Variants in OTUD7A observed in about 807,000 individuals in gnomAD.
OTUD7A encodes the protein OTU deubiquitinase 7A, also known as OTU domain-containing protein 7A.
Under a neutral mutation model 65.7 loss-of-function variants are expected in OTUD7A, and 12 were observed. That is an observed-to-expected ratio of 0.18 (90% CI 0.12 to 0.30). OTUD7A has a LOEUF of 0.30. Among genes scored for constraint, OTUD7A ranks in the 10% least tolerant of loss-of-function variants. The probability of loss-of-function intolerance (pLI) is 1.00; values close to 1 mark genes in which losing one functional copy is unlikely to be tolerated. For synonymous variants in OTUD7A, 641 were observed against 586.3 expected (o/e 1.09, Z -1.35); for missense variants, 1,148 against 1,304.8 (o/e 0.88, Z 1.85).
At chr15:31,647,084 G>A (rs1013775180) in intron 3 of OTUD7A, among the ~76,000 whole-genome samples, 9 of 152,022 alleles carry the variant, frequency 5.9e-5, no homozygotes, top group East Asian at 1.9e-4. Context: ...CTGGTCTAAC[G>A]GCAGAGCTCT....
chr15:31,514,188 G>C (rs2041808257), intron 8 of OTUD7A, among the ~76,000 whole-genome samples: 1 of 151,608 alleles, frequency 6.6e-6, no homozygotes, highest in African/African-American at 2.4e-5. Context: ...CAAGTAGCTG[G>C]GACCACAGGC....
intron 1 of OTUD7A, among the ~76,000 whole-genome samples, chr15:31,819,150 T>C (rs1896620089): frequency 6.6e-6 from 1 of 152,188 alleles, no homozygotes; most frequent in Non-Finnish European, 1.5e-5. Context: ...GACTCTGAGC[T>C]AGAAAACCAC....
At chr15:31,813,624 C>A (rs1896476560) in intron 1 of OTUD7A, among the ~76,000 whole-genome samples, 1 of 152,200 alleles carries the variant, frequency 6.6e-6, no homozygotes, top group Non-Finnish European at 1.5e-5. Flanking sequence ...GAGCCTTTGA[C>A]ATGCTAATGG....
chr15:31,802,131 G>GTATA (rs1286066693), intron 1 of OTUD7A, among the ~76,000 whole-genome samples: 2 of 131,292 alleles, frequency 1.5e-5, no homozygotes, highest in African/African-American at 5.6e-5. Context: ...GTGTGTGTGT[G>GTATA]TGTGTGTGTG....
chr15:31,661,112 T>C (rs1180964459), intron 1 of OTUD7A, among the ~76,000 whole-genome samples: 4 of 152,230 alleles, frequency 2.6e-5, no homozygotes, highest in Non-Finnish European at 5.9e-5. Context: ...AGATGCATGA[T>C]TGGAAGCAAA....
chr15:31,831,390 T>C (rs1039054430), intron 1 of OTUD7A, among the ~76,000 whole-genome samples: 3 of 151,770 alleles, frequency 2.0e-5, no homozygotes, highest in East Asian at 3.9e-4. Context: ...AAGAGATGAA[T>C]AGGTAGTTCG....
At chr15:31,747,948 G>A (rs1469435276) in intron 1 of OTUD7A, among the ~76,000 whole-genome samples, 6 of 152,142 alleles carry the variant, frequency 3.9e-5, no homozygotes, top group Admixed American at 3.9e-4. Context: ...CAAATTGGCA[G>A]ACATCCTACA....
chr15:31,860,624 T>G (rs1371745595), intron 1 of OTUD7A, among the ~76,000 whole-genome samples: 1 of 23,512 alleles, frequency 4.3e-5, no homozygotes, highest in African/African-American at 1.0e-4. Context: ...GAAGTGGAGA[T>G]ATATATATAT....
intron 6 of OTUD7A, among the ~76,000 whole-genome samples, 157 bp downstream of exon 6, chr15:31,530,550 T>G (rs1170263676): frequency 6.6e-6 from 1 of 152,250 alleles, no homozygotes; most frequent in Non-Finnish European, 1.5e-5. Context: ...GGGCCAGGAT[T>G]GTTGGCTCTG....
At chr15:31,544,414 G>A (rs1888071786) in intron 5 of OTUD7A, among the ~76,000 whole-genome samples, 1 of 151,634 alleles carries the variant, frequency 6.6e-6, no homozygotes, top group Admixed American at 6.6e-5. Context: ...AAGAGGTATA[G>A]AGGGAAGGGA....
chr15:31,592,904 A>AAAATATAT (rs1416029921), intron 3 of OTUD7A, among the ~76,000 whole-genome samples: 1 of 59,388 alleles, frequency 1.7e-5, no homozygotes, highest in Admixed American at 3.1e-4. Flanking sequence ...AAAAAAAAAA[A>AAAATATAT]ATATATATAT....
chr15:31,865,419 G>A (rs1299661571), intron 1 of OTUD7A, among the ~76,000 whole-genome samples: 1 of 152,156 alleles, frequency 6.6e-6, no homozygotes, highest in Non-Finnish European at 1.5e-5. Flanking sequence ...GGTGATCTGG[G>A]GAAGGAGGAC....
chr15:31,526,100 C>T (rs1017450237), intron 8 of OTUD7A, among the ~76,000 whole-genome samples: 3 of 152,200 alleles, frequency 2.0e-5, no homozygotes, highest in South Asian at 2.1e-4. Flanking sequence ...CTCATGTGAG[C>T]TCACCTCTGC....
chr15:31,813,661 A>T (rs1190080476), intron 1 of OTUD7A, among the ~76,000 whole-genome samples: 2 of 152,250 alleles, frequency 1.3e-5, no homozygotes, highest in East Asian at 3.8e-4. Flanking sequence ...AGAAAAAAAT[A>T]GTACATAACA....
intron 1 of OTUD7A, among the ~76,000 whole-genome samples, chr15:31,670,647 G>T (rs1475198678): frequency 6.6e-6 from 1 of 152,072 alleles, no homozygotes; most frequent in Non-Finnish European, 1.5e-5. Context: ...TTGTAAATTT[G>T]TTCCTTGTAG....
chr15:31,523,210 G>C (rs2041962036), intron 8 of OTUD7A, among the ~76,000 whole-genome samples: 1 of 152,242 alleles, frequency 6.6e-6, no homozygotes, highest in African/African-American at 2.4e-5. Flanking sequence ...GCTTCCAGCT[G>C]GCTTCTCTGT....
chr15:31,505,332 G>A (rs925996953), intron 8 of OTUD7A, among the ~76,000 whole-genome samples: 3 of 152,196 alleles, frequency 2.0e-5, no homozygotes, highest in Non-Finnish European at 4.4e-5. Context: ...TGCTTTCTTG[G>A]ACTAGTATAA....
chr15:31,807,597 G>A (rs986860067), intron 1 of OTUD7A, among the ~76,000 whole-genome samples: 1 of 152,122 alleles, frequency 6.6e-6, no homozygotes, highest in East Asian at 1.9e-4. Context: ...AGTTTGGGAA[G>A]TGCCTGTCGT....
rs1595688599 is a variant in OTUD7A, at chr15:31,655,419, G to T, written c.-4-169C>A. On this transcript the variant is annotated intron_variant, in intron 2 of 12. Coordinates refer to ENST00000307050, the MANE Select transcript of OTUD7A (RefSeq NM_001382637.1). ...TCCAACTGCCTGATTCTTCATGCAAGACATTATATTATAGAATGCTAACTA... is the reference window on the plus strand; with the variant it reads ...TCCAACTGCCTGATTCTTCATGCAATACATTATATTATAGAATGCTAACTA... The T allele has an allele frequency of 1.6e-5, 8 of 507,140 alleles. No individual in the cohort carries two copies. The East Asian group carries it at 2.8e-4, about 18-fold the overall frequency. The allele number at this position is 507,140 out of a possible 1,614,324, so 31.4% of individuals were successfully genotyped here.
Sources: gnomAD v4.1 joint callset for allele counts (sites outside exome capture counted in the v4.1 genomes callset) on GRCh38, gnomAD v4.1.1 for gene constraint, MANE v1.5 for transcripts, NCBI Gene and HGNC (gene_info 2026-07-23, HGNC 2026-07-21) for gene names.